GABRA5: variants seen among roughly 807,000 people sequenced by gnomAD.
GABRA5 encodes gamma-aminobutyric acid type A receptor subunit alpha5.
GABRA5 carries 18 observed loss-of-function variants against 47.3 expected under a neutral mutation model. That is an observed-to-expected ratio of 0.38 (90% CI 0.26 to 0.56). The LOEUF is 0.56. Ranked by LOEUF, GABRA5 falls within the 20% of genes least tolerant of loss-of-function variation. GABRA5 has a pLI of 0.71. For synonymous variants in GABRA5, 237 were observed against 229.3 expected, an observed-to-expected ratio of 1.03 and a Z score of -0.30; for missense variants, 365 against 599.3, an observed-to-expected ratio of 0.61 and a Z score of 4.08.
In GABRA5 at chr15:26,948,137, C is replaced by A. The variant is rs776674172; in HGVS notation, c.1293C>A (p.Ile431=). ...GCAAAATTGACAAAATGTCCCGAAT[C>A]GTATTCCCAGTCTTGTTCGGCACTT... The part of the protein sequence containing the change: ...SISKIDKMSR[I]VFPVLFGTFN... The change falls in exon 11 of 11, where the codon ATC becomes ATA. Residue 431 remains isoleucine, a synonymous_variant. Transcript: ENST00000335625. The A allele has an allele frequency of 6.2e-7, 1 of 1,613,682 alleles. No individual in the cohort carries two copies. The highest frequency in any genetic ancestry group is 8.5e-7 in the Non-Finnish European group (1 of 1,179,752).
intron 6 of GABRA5, among the ~76,000 whole-genome samples, chr15:26,891,104 A>G (rs1203232328): frequency 6.6e-6 from 1 of 152,238 alleles, no homozygotes; most frequent in African/African-American, 2.4e-5. Flanking sequence ...TGAGAAGGCC[A>G]TCAGTCTGCA....
At chr15:26,924,721 G>A (rs1028017126) in intron 7 of GABRA5, among the ~76,000 whole-genome samples, 5 of 152,154 alleles carry the variant, frequency 3.3e-5, no homozygotes, top group African/African-American at 9.7e-5. Flanking sequence ...TTTTTGGGGG[G>A]ATGCTTGGTT....
At chr15:26,917,598 T>C (rs1893748292) in intron 7 of GABRA5, among the ~76,000 whole-genome samples, 1 of 152,078 alleles carries the variant, frequency 6.6e-6, no homozygotes, top group Non-Finnish European at 1.5e-5. Context: ...GAGTCTTTGT[T>C]CCTCTTTAGT....
At chr15:26,924,649 G>A (rs1011447043) in intron 7 of GABRA5, among the ~76,000 whole-genome samples, 1 of 152,176 alleles carries the variant, frequency 6.6e-6, no homozygotes, top group Non-Finnish European at 1.5e-5. Flanking sequence ...GGCACCTGGT[G>A]AGGGCAGAAG....
chr15:26,930,768 C>T (rs1656480767), intron 7 of GABRA5, among the ~76,000 whole-genome samples: 1 of 152,148 alleles, frequency 6.6e-6, no homozygotes, highest in African/African-American at 2.4e-5. Flanking sequence ...CAGCCTCTAC[C>T]CATAACCTGG....
intron 3 of GABRA5, among the ~76,000 whole-genome samples, chr15:26,878,437 A>G (rs1278004246): frequency 6.6e-6 from 1 of 152,166 alleles, no homozygotes; most frequent in Non-Finnish European, 1.5e-5. Flanking sequence ...ATAACCACGC[A>G]CTGCAGATGA....
intron 2 of GABRA5, 137 bp from the exon 3 acceptor site, chr15:26,869,038 G>C: frequency 3.9e-6 from 2 of 514,522 alleles, no homozygotes; most frequent in Non-Finnish European, 7.0e-6. Context: ...GAAAATACCT[G>C]GTGTGCAGCT....
At chr15:26,936,070 A>T (rs1203210759) in intron 7 of GABRA5, among the ~76,000 whole-genome samples, 1 of 152,106 alleles carries the variant, frequency 6.6e-6, no homozygotes, top group Admixed American at 6.5e-5. Context: ...GAGTCTCACG[A>T]GATCTGATGG....
intron 6 of GABRA5, among the ~76,000 whole-genome samples, chr15:26,893,983 C>T (rs1023129417): frequency 3.3e-5 from 5 of 152,106 alleles, no homozygotes; most frequent in Admixed American, 6.5e-5. Flanking sequence ...AGGCTGGTCA[C>T]TGTTTCCTTT....
At chr15:26,880,777 C>G (rs532354471) in intron 3 of GABRA5, 69 bp from the exon 4 acceptor site, 1 of 1,545,604 alleles carries the variant, frequency 6.5e-7, no homozygotes, top group Admixed American at 1.8e-5. Context: ...TCCCTGGTTT[C>G]TGTATCTTGA....
At chr15:26,918,602 T>G (rs191287141) in intron 7 of GABRA5, among the ~76,000 whole-genome samples, 13 of 152,322 alleles carry the variant, frequency 8.5e-5, no homozygotes, top group African/African-American at 3.1e-4. Flanking sequence ...GTTCTGTCAA[T>G]GTTTGCATTA....
intron 9 of GABRA5, among the ~76,000 whole-genome samples, chr15:26,942,383 G>A (rs1297144730): frequency 6.6e-6 from 1 of 152,204 alleles, no homozygotes; most frequent in Admixed American, 6.5e-5. Flanking sequence ...AGGGGATACT[G>A]TTCCCTCTTT....
intron 6 of GABRA5, among the ~76,000 whole-genome samples, chr15:26,914,569 T>C (rs1331739013): frequency 6.6e-6 from 1 of 152,228 alleles, no homozygotes; most frequent in African/African-American, 2.4e-5. Context: ...AATATATGTA[T>C]AGGTACACAC....
Position 26,947,280 on chromosome 15 carries a change from G to A in GABRA5, c.1090-654G>A, listed in dbSNP as rs150367682. 3.2e-3 allele frequency among the ~76,000 whole-genome samples: 491 copies of A among 152,224 alleles called. 4 individuals are homozygous for A. Among genetic ancestry groups the A allele is most frequent in the Middle Eastern group, 0.017 (5 of 294 alleles). ...TTGTTGTATAGGTAACTCATGTCATGGGAGTTTGTTATACAGATCATTTTG... is the reference window on the plus strand; with the variant it reads ...TTGTTGTATAGGTAACTCATGTCATAGGAGTTTGTTATACAGATCATTTTG... On this transcript the variant is annotated intron_variant, in intron 10 of 10. Transcript: ENST00000335625.
rs1344544976 is a variant in GABRA5 at position 26,883,106 on chromosome 15, G to A, written c.209-60G>A. 3 of 1,367,662 alleles carry A rather than the reference G, an allele frequency of 2.2e-6. No homozygotes were observed. In the African/African-American group the frequency reaches 4.3e-5, roughly 20 times the overall value. The allele number at this position is 1,367,662 out of a possible 1,614,324, so 84.7% of individuals were successfully genotyped here. Reference sequence around the variant, plus strand: ...CCTGGTTACTGGACTGAGAGCACGAGAGTGTGCCAGACGCGCAGGGTGGGT... The same window carrying A: ...CCTGGTTACTGGACTGAGAGCACGAAAGTGTGCCAGACGCGCAGGGTGGGT... On this transcript the variant is annotated intron_variant, in intron 4 of 10. Transcript: ENST00000335625. The surrounding 1 kb of genome is among the most constrained non-coding windows in gnomAD (Gnocchi z 4.8).
chr15:26,922,258 T>A (rs1893860628), intron 7 of GABRA5, among the ~76,000 whole-genome samples: 1 of 152,168 alleles, frequency 6.6e-6, no homozygotes, highest in Non-Finnish European at 1.5e-5. Flanking sequence ...GTTACACATA[T>A]TTTTTAGCTG....
At position 26,948,855 on chromosome 15, in the gene GABRA5, T is replaced by C. The variant is rs1240482787; in HGVS notation, c.*622T>C. The C allele has an allele frequency of 1.3e-5, 2 of 152,168 alleles. No individual in the cohort carries two copies. Among genetic ancestry groups the C allele is most frequent in the Non-Finnish European group, 2.9e-5 (2 of 68,048 alleles). 9.4% of individuals were successfully genotyped at this position (152,168 alleles called of 1,614,324 possible). On this transcript the variant is annotated 3_prime_UTR_variant, in exon 11 of 11. Transcript: ENST00000335625. ...CATCATATGTTAGATACACAAAATA[T>C]TTCCCTGAGGAAAAAAAATCAACTG...
intron 6 of GABRA5, among the ~76,000 whole-genome samples, chr15:26,899,168 A>G (rs1893268699): frequency 1.3e-5 from 2 of 152,162 alleles, no homozygotes; most frequent in Admixed American, 6.5e-5. Context: ...TGGCCTCAAA[A>G]TTTTTAAAAT....
intron 9 of GABRA5, among the ~76,000 whole-genome samples, chr15:26,941,459 T>C (rs1331096402): frequency 6.6e-6 from 1 of 152,104 alleles, no homozygotes; most frequent in Non-Finnish European, 1.5e-5. Context: ...ATCAAAGATT[T>C]CTATTGATTC....
Sources: allele counts gnomAD v4.1 joint callset (sites outside exome capture counted in the v4.1 genomes callset), GRCh38; gene constraint gnomAD v4.1.1; non-coding constraint Gnocchi (gnomAD v3.1); transcripts MANE v1.5; gene names NCBI Gene and HGNC (gene_info 2026-07-23, HGNC 2026-07-21).